SKP2: variants seen among roughly 807,000 people sequenced by gnomAD.
SKP2 encodes S-phase kinase-associated protein 2.
Under a neutral mutation model 51.8 loss-of-function variants are expected in SKP2, and 16 were observed. The ratio of observed to expected loss-of-function variants is 0.31; its 90% CI spans 0.21 to 0.47. SKP2 has a LOEUF of 0.47. Among genes scored for constraint, SKP2 ranks in the 20% least tolerant of loss-of-function variants. SKP2 has a pLI of 1.00. For synonymous variants in SKP2, 176 were observed against 198.6 expected, an observed-to-expected ratio of 0.89 and a Z score of 0.96; for missense variants, 377 against 505.3, an observed-to-expected ratio of 0.75 and a Z score of 2.43.
chr5:36,182,661 T>C lies in SKP2; in HGVS notation c.*630T>C, dbSNP rs1579579299. 3 of 976,584 alleles carry C rather than the reference T, an allele frequency of 3.1e-6. 1 individual carries two copies. The Admixed American group carries it at 1.8e-4, about 60-fold the overall frequency. The allele number at this position is 976,584 out of a possible 1,614,324, so 60.5% of individuals were successfully genotyped here. A position where few individuals can be genotyped will look rare whatever the true frequency, so the allele number is the denominator to read the frequency against. On this transcript the variant is annotated 3_prime_UTR_variant, in exon 10 of 10. Transcript: ENST00000274255. The stretch of plus-strand genomic sequence containing the variant: ...CCAAACATTACAAAACCCAGAGATA[T>C]AGAATCAATATAGGATTTGAAGGCC...
downstream of SKP2, among the ~76,000 whole-genome samples, chr5:36,188,627 G>T (rs1272508626): frequency 6.6e-6 from 1 of 152,168 alleles, no homozygotes; most frequent in Non-Finnish European, 1.5e-5. Flanking sequence ...TTCCCTTTAT[G>T]GGTAACCCGA....
chr5:36,190,537 G>A (rs949055932), intron 6 of SKP2, among the ~76,000 whole-genome samples: 4 of 152,034 alleles, frequency 2.6e-5, no homozygotes, highest in Non-Finnish European at 5.9e-5. Context: ...AATGTTCACT[G>A]TATGCCCAGA....
Position 36,171,645 on chromosome 5 carries a change from A to G in SKP2, c.813A>G (p.Glu271=), listed in dbSNP as rs1255618252. ...LNLSWCFDFT[E]KHVQVAVAHV... ...TCTCCTGGTGTTTTGATTTCACTGAAAAGCATGTACAGGTGGCTGTTGCGC... is the reference window on the plus strand; with the variant it reads ...TCTCCTGGTGTTTTGATTTCACTGAGAAGCATGTACAGGTGGCTGTTGCGC... Residue 271 remains glutamate, a synonymous_variant, in exon 7 of 10, where the codon GAA becomes GAG. Coordinates refer to ENST00000274255, the MANE Select transcript of SKP2 (RefSeq NM_005983.4). 3.7e-6 allele frequency: 6 copies of G among 1,613,768 alleles called. No homozygotes were observed. The highest frequency in any genetic ancestry group is 5.1e-6 in the Non-Finnish European group (6 of 1,179,810).
At chr5:36,161,329 CT>C (rs1745115666) in intron 2 of SKP2, among the ~76,000 whole-genome samples, 1 of 148,732 alleles carries the variant, frequency 6.7e-6, no homozygotes, top group Non-Finnish European at 1.5e-5. Context: ...TTCTCAAGAG[CT>C]CCTGGGGGTC....
At chr5:36,191,216 C>T (rs13159992) in intron 6 of SKP2, among the ~76,000 whole-genome samples, 33 of 152,188 alleles carry the variant, frequency 2.2e-4, no homozygotes, top group African/African-American at 6.7e-4. Context: ...CCAGGAGATA[C>T]TTGGTAACAT....
chr5:36,175,971 A>C (rs1235032037), intron 7 of SKP2, among the ~76,000 whole-genome samples: 1 of 151,988 alleles, frequency 6.6e-6, no homozygotes, highest in African/African-American at 2.4e-5. Context: ...AAATCAGTTC[A>C]CTATCCAAAA....
At chr5:36,157,327 C>A (rs919005083) in intron 2 of SKP2, among the ~76,000 whole-genome samples, 6 of 152,186 alleles carry the variant, frequency 3.9e-5, no homozygotes, top group African/African-American at 1.2e-4. Flanking sequence ...ATCCCAGCTT[C>A]TGTTGTTTCT....
chr5:36,180,174 G>A (rs747601437), intron 9 of SKP2: 14 of 735,252 alleles, frequency 1.9e-5, no homozygotes, highest in Middle Eastern at 2.8e-4. Flanking sequence ...CTCCAGTGCA[G>A]AATGGCTCAC....
At chr5:36,179,551 A>C (rs1745739139) in intron 9 of SKP2, among the ~76,000 whole-genome samples, 1 of 152,048 alleles carries the variant, frequency 6.6e-6, no homozygotes, top group South Asian at 2.1e-4. Context: ...CCTATTTCTC[A>C]TTCAAGTAAG....
chr5:36,159,714 T>C (rs879324654), intron 2 of SKP2, among the ~76,000 whole-genome samples: 3 of 152,230 alleles, frequency 2.0e-5, no homozygotes, highest in Non-Finnish European at 2.9e-5. Context: ...AACCTGCCTA[T>C]TAGCCTACTC....
rs554269182 is a variant in SKP2 at position 36,159,021 on chromosome 5, C to G, written c.281-4624C>G. ...ACATTCACCATTTGAATGAAGAGGG[C>G]TAATAAATACATTTGGCAAATATTT... On this transcript the variant is annotated intron_variant, in intron 2 of 9. Transcript: ENST00000274255. Among the ~76,000 whole-genome samples the G allele has an allele frequency of 2.0e-5, 3 of 152,326 alleles. No homozygotes were observed. The South Asian group carries it at 6.2e-4, about 32-fold the overall frequency.
intron 7 of SKP2, among the ~76,000 whole-genome samples, chr5:36,172,824 T>C (rs1353503376): frequency 3.9e-5 from 6 of 152,150 alleles, no homozygotes; most frequent in Non-Finnish European, 7.4e-5. Flanking sequence ...TTCCAAACAC[T>C]TGCATTTTCA....
intron 9 of SKP2, among the ~76,000 whole-genome samples, chr5:36,178,810 G>A (rs901334267): frequency 4.0e-4 from 61 of 152,024 alleles, no homozygotes; most frequent in African/African-American, 1.4e-3. Flanking sequence ...AAGCTAAGCA[G>A]GTAATGACCC....
At chr5:36,168,965 A>G (rs1300045677) in intron 5 of SKP2, among the ~76,000 whole-genome samples, 1 of 152,216 alleles carries the variant, frequency 6.6e-6, no homozygotes, top group Non-Finnish European at 1.5e-5. Context: ...GGAGATCTCT[A>G]GGTAATAAGA....
chr5:36,169,604 G>A (rs33665), intron 5 of SKP2, among the ~76,000 whole-genome samples: 134,489 of 152,236 alleles, frequency 0.88, 60,001 homozygotes, highest in Non-Finnish European at 0.94. Context: ...TGCTGTGTTC[G>A]TTCAAGTGAG....
intron 2 of SKP2, among the ~76,000 whole-genome samples, chr5:36,160,368 T>C (rs74893327): frequency 0.031 from 4,648 of 152,326 alleles, 242 homozygotes; most frequent in African/African-American, 0.11. Flanking sequence ...CAGGAAGGCT[T>C]CCTTAACCTC....
At chr5:36,163,386 A>G (rs1057070075) in intron 2 of SKP2, among the ~76,000 whole-genome samples, 1 of 152,164 alleles carries the variant, frequency 6.6e-6, no homozygotes, top group Non-Finnish European at 1.5e-5. Context: ...TTGCTGAGAG[A>G]GTGTGGTGGT....
chr5:36,154,003 G>T (rs916396252), intron 2 of SKP2, among the ~76,000 whole-genome samples: 5 of 152,210 alleles, frequency 3.3e-5, no homozygotes, highest in African/African-American at 1.2e-4. Flanking sequence ...CCAGGTGCTG[G>T]AGATAGAGGA....
At chr5:36,172,107 A>C (rs1283263317) in intron 7 of SKP2, among the ~76,000 whole-genome samples, 1 of 152,152 alleles carries the variant, frequency 6.6e-6, no homozygotes, top group Non-Finnish European at 1.5e-5. Flanking sequence ...CTGTACGGGG[A>C]CATTTGTCAA....
Sources: gnomAD v4.1 joint callset for allele counts (sites outside exome capture counted in the v4.1 genomes callset) on GRCh38, gnomAD v4.1.1 for gene constraint, MANE v1.5 for transcripts, NCBI Gene and HGNC (gene_info 2026-07-23, HGNC 2026-07-21) for gene names.